The following CCDC178 variants were observed in gnomAD, a reference collection of about 807,000 sequenced individuals.
The protein encoded by CCDC178 is coiled-coil domain containing 178.
A neutral mutation model predicts 117.4 loss-of-function variants in CCDC178; 126 were observed. The ratio of observed to expected loss-of-function variants is 1.07; its 90% CI spans 0.93 to 1.24. The LOEUF is 1.24. Ranked by LOEUF, CCDC178 falls within the 50% of genes most tolerant of loss-of-function variation. The pLI is 0.00. For synonymous variants in CCDC178, 283 were observed against 313.4 expected, an observed-to-expected ratio of 0.90 and a Z score of 1.02; for missense variants, 1,030 against 986.9, an observed-to-expected ratio of 1.04 and a Z score of -0.59.
intron 5 of CCDC178, among the ~76,000 whole-genome samples, chr18:33,375,323 A>G (rs1750931324): frequency 6.6e-6 from 1 of 152,164 alleles, no homozygotes; most frequent in African/African-American, 2.4e-5. Flanking sequence ...GATAAGAAAT[A>G]ATCTTTTCCT....
chr18:33,096,458 A>G (rs1016306821), intron 20 of CCDC178, among the ~76,000 whole-genome samples: 1 of 151,048 alleles, frequency 6.6e-6, no homozygotes, highest in African/African-American at 2.4e-5. Context: ...CAAGGAAATT[A>G]GAAATAAGGC....
chr18:33,223,200 T>A lies in CCDC178; in HGVS notation c.1838A>T (p.Asp613Val). 1 of 1,602,620 alleles carries A rather than the reference T, an allele frequency of 6.2e-7. No homozygotes were observed. The highest frequency in any genetic ancestry group is 8.5e-7 in the Non-Finnish European group (1 of 1,174,586). Residue 613 changes from aspartate to valine, a missense_variant, in exon 18 of 23, where the codon GAT (aspartate) becomes GTT (valine). By Grantham distance (152) the Asp-to-Val change is radical. Coordinates refer to ENST00000383096, the MANE Select transcript of CCDC178 (RefSeq NM_001105528.4). ...CTTTCTTCTAATAAGATCTTTCTGA[T>A]CAATTATATTATTAAGCATCTAGAA... is the stretch of plus-strand genomic sequence containing the variant. ...EHSVMLNNIIDQKDLIRRKVG... is the reference protein window; with the variant it reads ...EHSVMLNNIIVQKDLIRRKVG...
chr18:32,961,441 T>C (rs886843978), intron 22 of CCDC178, among the ~76,000 whole-genome samples: 3 of 152,272 alleles, frequency 2.0e-5, no homozygotes, highest in Admixed American at 2.0e-4. Context: ...CATGGTATAC[T>C]CTTCCATCTT....
At chr18:33,203,173 A>C (rs1375279592) in intron 20 of CCDC178, among the ~76,000 whole-genome samples, 3 of 152,156 alleles carry the variant, frequency 2.0e-5, no homozygotes, top group Non-Finnish European at 4.4e-5. Flanking sequence ...TATCAATTTA[A>C]TATACATATT....
At chr18:33,020,731 A>C (rs2056099133) in intron 21 of CCDC178, among the ~76,000 whole-genome samples, 1 of 152,130 alleles carries the variant, frequency 6.6e-6, no homozygotes, top group Non-Finnish European at 1.5e-5. Flanking sequence ...ATGTAACTTA[A>C]TTCCTGCCCA....
chr18:33,431,533 A>C (rs1454483344), intron 2 of CCDC178, among the ~76,000 whole-genome samples: 1 of 152,172 alleles, frequency 6.6e-6, no homozygotes, highest in Non-Finnish European at 1.5e-5. Flanking sequence ...TTAGGATTAT[A>C]TATTTTCTGG....
At chr18:32,938,330 A>G (rs1744238605) in intron 22 of CCDC178, 1 of 410,568 alleles carries the variant, frequency 2.4e-6, no homozygotes, top group South Asian at 4.9e-5. Flanking sequence ...AGTGAATGAG[A>G]CAATTAAATT....
chr18:33,094,544 C>T (rs552752411), intron 20 of CCDC178, among the ~76,000 whole-genome samples: 12 of 151,642 alleles, frequency 7.9e-5, no homozygotes, highest in African/African-American at 2.9e-4. Context: ...TTCTCAGGTG[C>T]TTTTCTTTCC....
chr18:33,104,976 A>G (rs1011601343), intron 20 of CCDC178, among the ~76,000 whole-genome samples: 8 of 151,696 alleles, frequency 5.3e-5, no homozygotes, highest in Non-Finnish European at 7.4e-5. Flanking sequence ...TATATGCACA[A>G]ATACACAAAT....
chr18:33,111,550 T>C (rs1460204818), intron 20 of CCDC178, among the ~76,000 whole-genome samples: 3 of 151,688 alleles, frequency 2.0e-5, no homozygotes. Flanking sequence ...TGATTTTGGG[T>C]AAGTCAAACA....
intron 21 of CCDC178, among the ~76,000 whole-genome samples, chr18:33,033,630 C>G (rs529897123): frequency 1.3e-5 from 2 of 152,170 alleles, no homozygotes; most frequent in South Asian, 4.1e-4. Flanking sequence ...TCCCTTCAAC[C>G]TAGAATCCTT....
At chr18:33,356,400 T>G (rs2063058361) in intron 6 of CCDC178, 54 bp from the exon 7 acceptor site, 1 of 1,388,674 alleles carries the variant, frequency 7.2e-7, no homozygotes, top group African/African-American at 1.5e-5. Flanking sequence ...ATTAAAAAAC[T>G]GAATAAATGT....
intron 22 of CCDC178, among the ~76,000 whole-genome samples, chr18:32,973,362 A>G (rs1020950124): frequency 6.6e-6 from 1 of 152,110 alleles, no homozygotes; most frequent in African/African-American, 2.4e-5. Context: ...TCCAGCCACA[A>G]TATAATGTGT....
chr18:33,439,695 G>T (rs570992374), intron 2 of CCDC178, among the ~76,000 whole-genome samples: 1 of 152,132 alleles, frequency 6.6e-6, no homozygotes, highest in South Asian at 2.1e-4. Context: ...ATATTTTGAG[G>T]GTAGGAGGGA....
chr18:32,979,911 C>T (rs946051177), intron 21 of CCDC178, among the ~76,000 whole-genome samples: 2 of 152,082 alleles, frequency 1.3e-5, no homozygotes, highest in African/African-American at 4.8e-5. Flanking sequence ...CAGACACATG[C>T]ATATAAAATG....
Position 33,245,364 on chromosome 18 carries a change from C to G in CCDC178, c.1474G>C (p.Asp492His). 6.2e-7 allele frequency: 1 copy of G among 1,603,196 alleles called. No individual in the cohort carries two copies. The highest frequency in any genetic ancestry group is 2.2e-5 in the East Asian group (1 of 44,470). ...TTATAGATGTTCTTGAGATGTTTAT[C>G]ATTCTTTAACTTCATTATTGTCAAA... is the stretch of plus-strand genomic sequence containing the variant. ...KYLTIMKLKN[D>H]KHLKNIYKEA... The change falls in exon 15 of 23, where the codon GAT becomes CAT. Residue 492 changes from aspartate (D) to histidine (H), a missense_variant. Physicochemically the swap from Asp to His is moderately conservative, Grantham distance 81. Transcript: ENST00000383096.
In CCDC178 at chr18:33,226,843, ATTC is replaced by A. The variant is rs2059308201; in HGVS notation, c.1603_1605del (p.Glu535del). The stretch of plus-strand genomic sequence containing the variant: ...TCACCTTGAGTGAGTTTTTTCAGGA[ATTC>A]TTCTCTACCCTATATGTTAGGAAAT... On this transcript the variant is annotated inframe_deletion, in exon 16 of 23. Transcript: ENST00000383096. The A allele has an allele frequency of 6.3e-7, 1 of 1,597,508 alleles. No individual in the cohort carries two copies. Among genetic ancestry groups the A allele is most frequent in the South Asian group, 1.1e-5 (1 of 89,906 alleles).
At chr18:33,392,112 G>A (rs781395362) in intron 4 of CCDC178, among the ~76,000 whole-genome samples, 14 of 151,990 alleles carry the variant, frequency 9.2e-5, no homozygotes, top group Non-Finnish European at 1.8e-4. Context: ...TGATCCGCCC[G>A]CCTTGGCCTC....
At chr18:33,378,994 T>C (rs891284160) in intron 5 of CCDC178, among the ~76,000 whole-genome samples, 1 of 151,552 alleles carries the variant, frequency 6.6e-6, no homozygotes, top group South Asian at 2.1e-4. Flanking sequence ...TATTTTGTAA[T>C]AGTTTCAGTA....
Sources: allele counts gnomAD v4.1 joint callset (sites outside exome capture counted in the v4.1 genomes callset), GRCh38; gene constraint gnomAD v4.1.1; transcripts MANE v1.5; gene names NCBI Gene and HGNC (gene_info 2026-07-23, HGNC 2026-07-21).